Variants in LSG1 observed in about 807,000 individuals in gnomAD.
The protein encoded by LSG1 is large subunit GTPase 1 homolog.
A neutral mutation model predicts 82.6 loss-of-function variants in LSG1; 55 were observed. The ratio of observed to expected loss-of-function variants is 0.67; its 90% CI spans 0.54 to 0.83. LSG1 has a LOEUF of 0.83. Among genes scored for constraint, LSG1 ranks in the 40% least tolerant of loss-of-function variants. The probability of loss-of-function intolerance (pLI) is 0.00; values close to 1 mark genes in which losing one functional copy is unlikely to be tolerated. For synonymous variants in LSG1, 272 were observed against 282.5 expected (o/e 0.96, Z 0.37); for missense variants, 809 against 807.9 (o/e 1.00, Z -0.02).
At chr3:194,646,509 CTTTAT>C (rs1015534630) in intron 11 of LSG1, 15 of 291,902 alleles carry the variant, frequency 5.1e-5, no homozygotes, top group African/African-American at 1.5e-4. Context: ...TATTTCTTCT[CTTTAT>C]TTTATTTTTA....
At chr3:194,650,475 G>A (rs990989688) in intron 10 of LSG1, among the ~76,000 whole-genome samples, 5 of 152,312 alleles carry the variant, frequency 3.3e-5, no homozygotes, top group Admixed American at 2.6e-4. Context: ...TTTGGTAAGG[G>A]TTTAGAAAAG....
At position 194,646,722 on chromosome 3, in the gene LSG1, C is replaced by T. The variant is rs1279321292; in HGVS notation, c.1544-479G>A. Among the ~76,000 whole-genome samples the T allele has an allele frequency of 3.3e-5, 5 of 152,190 alleles. No homozygotes were observed. In the East Asian group the frequency reaches 5.8e-4, roughly 18 times the overall value. Reference sequence around the variant, plus strand: ...TTTTAGTAGAGATGGGGTTTCACCACGTTGTTCAGGCTGGTCTTGAACTCC... The same window carrying T: ...TTTTAGTAGAGATGGGGTTTCACCATGTTGTTCAGGCTGGTCTTGAACTCC... On this transcript the variant is annotated intron_variant, in intron 11 of 13. Transcript: ENST00000265245.
intron 13 of LSG1, among the ~76,000 whole-genome samples, chr3:194,644,080 C>A (rs557053213): frequency 6.6e-6 from 1 of 151,992 alleles, no homozygotes; most frequent in Non-Finnish European, 1.5e-5. Flanking sequence ...AATAAGGTTT[C>A]GGCCGGGCGC....
At position 194,672,065 on chromosome 3, in the gene LSG1, C is replaced by G. The variant is rs1704188304; in HGVS notation, c.98G>C (p.Trp33Ser). Residue 33 changes from tryptophan (W) to serine (S), a missense_variant and splice_region_variant, in exon 1 of 14, where the codon TGG becomes TCG. Coordinates refer to ENST00000265245, the MANE Select transcript of LSG1 (RefSeq NM_018385.3). The stretch of plus-strand genomic sequence containing the variant: ...GAAAGATGACATGGTCTGTCTTACC[C>G]AGGAGTCAGTGTGACGATGGCTTCG... ...RSRSHRHTDS[W>S]LHTSELNDGY... 1 of 1,611,970 alleles carries G rather than the reference C, an allele frequency of 6.2e-7. No individual in the cohort carries two copies. Among genetic ancestry groups the G allele is most frequent in the Non-Finnish European group, 8.5e-7 (1 of 1,179,486 alleles).
Position 194,652,991 on chromosome 3 carries a change from T to C in LSG1, c.911A>G (p.Asp304Gly), listed in dbSNP as rs1448725276. 2 of 1,614,184 alleles carry C rather than the reference T, an allele frequency of 1.2e-6. No homozygotes were observed. The highest frequency in any genetic ancestry group is 1.7e-6 in the Non-Finnish European group (2 of 1,180,028). The part of the protein sequence containing the change: ...LSENPTTDED[D>G]SEYEDCPEEE... ...CTCTGGACAGTCCTCATACTCACTGTCATCTTCATCCGTTGTGGGATTTTC... is the reference window on the plus strand; with the variant it reads ...CTCTGGACAGTCCTCATACTCACTGCCATCTTCATCCGTTGTGGGATTTTC... The change falls in exon 8 of 14, where the codon GAC becomes GGC. Residue 304 changes from aspartate to glycine, a missense_variant. Asp to Gly is a moderately conservative substitution (Grantham distance 94, BLOSUM62 -1). Transcript: ENST00000265245.
In LSG1 at chr3:194,644,710, C is replaced by T. The variant is rs780528187; in HGVS notation, c.1660G>A (p.Asp554Asn). Residue 554 changes from aspartate (D) to asparagine (N), a missense_variant, in exon 13 of 14, where the codon GAT becomes AAT. By Grantham distance (23) the Asp-to-Asn change is conservative. Coordinates refer to ENST00000265245, the MANE Select transcript of LSG1 (RefSeq NM_018385.3). ...LLYCHPPPGR[D>N]PVTFQHQHQR... ...TGTTGATGCTGAAAAGTTACAGGAT[C>T]TCTTCCAGGAGGAGGATGGCAGTAC... 1.2e-6 allele frequency: 2 copies of T among 1,608,062 alleles called. No homozygotes were observed. Among genetic ancestry groups the T allele is most frequent in the Admixed American group, 1.7e-5 (1 of 59,146 alleles).
chr3:194,644,384 AAATAAAT>A lies in LSG1; in HGVS notation c.1797+182_1797+188del, dbSNP rs1560218774. 8.4e-4 allele frequency among the ~76,000 whole-genome samples: 83 copies of A among 99,376 alleles called. 1 individual carries two copies. The highest frequency in any genetic ancestry group is 1.2e-3 in the South Asian group (4 of 3,330). 65.2% of individuals were successfully genotyped at this position (99,376 alleles called of 152,430 possible). Reference sequence around the variant, plus strand: ...ACTCCGTCTCAAAAAAAAAAAATAAAAATAAATAAATAAATAAATAAATAAATAAATA... The same window carrying A: ...ACTCCGTCTCAAAAAAAAAAAATAAAAAATAAATAAATAAATAAATAAATA... On this transcript the variant is annotated intron_variant, in intron 13 of 13. Coordinates refer to ENST00000265245, the MANE Select transcript of LSG1 (RefSeq NM_018385.3).
At chr3:194,646,480 G>C in intron 11 of LSG1, 1 of 375,384 alleles carries the variant, frequency 2.7e-6, no homozygotes, top group Non-Finnish European at 4.8e-6. Context: ...AGACAAATTC[G>C]ATTTCTCTCT....
intron 11 of LSG1, 197 bp from the exon 12 acceptor site, chr3:194,646,440 TA>T: frequency 2.1e-6 from 1 of 474,068 alleles, no homozygotes; most frequent in Non-Finnish European, 3.8e-6. Flanking sequence ...TCTGATATCC[TA>T]AAAATGCCAC....
chr3:194,651,038 A>G lies in LSG1; in HGVS notation c.1276-14T>C, dbSNP rs771263030. ...CACATAGAGAGTCTGGAAGACAAGC[A>G]AGAGGTTTGAGCTGGGTATACAACA... is the stretch of plus-strand genomic sequence containing the variant. On this transcript the variant is annotated splice_polypyrimidine_tract_variant and intron_variant, in intron 9 of 13. Coordinates refer to ENST00000265245, the MANE Select transcript of LSG1 (RefSeq NM_018385.3). 1 of 1,613,996 alleles carries G rather than the reference A, an allele frequency of 6.2e-7. No individual in the cohort carries two copies. Among genetic ancestry groups the G allele is most frequent in the South Asian group, 1.1e-5 (1 of 91,066 alleles).
chr3:194,648,641 T>C lies in LSG1; in HGVS notation c.1543+40A>G, dbSNP rs763123402. On this transcript the variant is annotated intron_variant, in intron 11 of 13. Transcript: ENST00000265245. The stretch of plus-strand genomic sequence containing the variant: ...TCTTATTTCTATTCATTAGGTATAC[T>C]GTTACTTTTGTTCACATTTTCTGAT... The C allele has an allele frequency of 3.1e-6, 5 of 1,606,088 alleles. No individual in the cohort carries two copies. In the Admixed American group the frequency reaches 6.7e-5, roughly 22 times the overall value.
intron 1 of LSG1, 76 bp downstream of exon 1, chr3:194,671,988 T>C (rs1023816075): frequency 2.6e-5 from 36 of 1,383,416 alleles, no homozygotes; most frequent in Non-Finnish European, 3.6e-5. Flanking sequence ...GCAAAACTTA[T>C]CTGACTTTTG....
intron 5 of LSG1, among the ~76,000 whole-genome samples, chr3:194,663,306 T>C (rs908574418): frequency 2.6e-5 from 4 of 152,152 alleles, no homozygotes; most frequent in Non-Finnish European, 4.4e-5. Flanking sequence ...TCCGAAGCCC[T>C]CCTCAAGCTT....
At position 194,652,714 on chromosome 3, in the gene LSG1, CAT is replaced by C; in HGVS notation, c.1173+13_1173+14del. On this transcript the variant is annotated intron_variant, in intron 8 of 13. Transcript: ENST00000265245. ...CAATCACGTGGTAACAATGTTATGACATATGTCATCTTACCAGTCCGACCGTA... is the reference window on the plus strand; with the variant it reads ...CAATCACGTGGTAACAATGTTATGACATGTCATCTTACCAGTCCGACCGTA... The C allele has an allele frequency of 6.2e-7, 1 of 1,604,568 alleles. No individual in the cohort carries two copies. Among genetic ancestry groups the C allele is most frequent in the Non-Finnish European group, 8.5e-7 (1 of 1,174,116 alleles).
At chr3:194,668,400 G>A (rs1002007515) in intron 2 of LSG1, among the ~76,000 whole-genome samples, 2 of 152,148 alleles carry the variant, frequency 1.3e-5, no homozygotes, top group Non-Finnish European at 2.9e-5. Flanking sequence ...CCACAGCGAT[G>A]TATGGTGTTA....
chr3:194,671,878 C>G, intron 1 of LSG1, 186 bp downstream of exon 1: 1 of 649,724 alleles, frequency 1.5e-6, no homozygotes, highest in South Asian at 1.7e-5. Flanking sequence ...TCAAGCTTCT[C>G]CTACCTTTGT....
chr3:194,664,172 C>A (rs930432937), intron 5 of LSG1, among the ~76,000 whole-genome samples: 1 of 152,104 alleles, frequency 6.6e-6, no homozygotes, highest in African/African-American at 2.4e-5. Flanking sequence ...AGGCTGGTAT[C>A]GAACTGCTGA....
rs201569117 is a variant in LSG1 at position 194,652,927 on chromosome 3, G to A, written c.975C>T (p.Asp325=). 2,113 of 1,613,966 alleles carry A rather than the reference G, an allele frequency of 1.3e-3. 3 individuals carry two copies. The highest frequency in any genetic ancestry group is 1.7e-3 in the Non-Finnish European group (2,025 of 1,180,044). The change falls in exon 8 of 14, where the codon GAC becomes GAT. Residue 325 remains aspartate, a synonymous_variant. Coordinates refer to ENST00000265245, the MANE Select transcript of LSG1 (RefSeq NM_018385.3). ...GGCTGCAGTCCTCTTCCTTGGGACC[G>A]TCTTCTTCTGAGCACGTCTGCCAGT... ...EDDWQTCSEE[D]GPKEEDCSQD... is the part of the protein sequence containing the mutation.
intron 2 of LSG1, among the ~76,000 whole-genome samples, chr3:194,669,290 C>T (rs1489284296): frequency 1.3e-5 from 2 of 152,126 alleles, no homozygotes; most frequent in Non-Finnish European, 2.9e-5. Flanking sequence ...TATAACCAAA[C>T]GTCACACTAT....
Sources: gnomAD v4.1 joint callset for allele counts (sites outside exome capture counted in the v4.1 genomes callset) on GRCh38, gnomAD v4.1.1 for gene constraint, MANE v1.5 for transcripts, NCBI Gene and HGNC (gene_info 2026-07-23, HGNC 2026-07-21) for gene names.